Variants in PGM5 observed in about 807,000 individuals in gnomAD.
PGM5 encodes the protein phosphoglucomutase 5.
In PGM5, 23 loss-of-function variants were observed where a neutral mutation model predicts 59.2. That is an observed-to-expected ratio of 0.39 (90% CI 0.28 to 0.55). The LOEUF is 0.55. Among genes scored for constraint, PGM5 ranks in the 20% least tolerant of loss-of-function variants. The probability of loss-of-function intolerance (pLI) is 0.66; values close to 1 mark genes in which losing one functional copy is unlikely to be tolerated. For missense variants in PGM5, 574 were observed against 748.3 expected (o/e 0.77, Z 2.72); for synonymous variants, 214 against 286.0 (o/e 0.75, Z 2.54).
At chr9:68,372,540 G>A (rs1289258655) in intron 1 of PGM5, among the ~76,000 whole-genome samples, 1 of 152,100 alleles carries the variant, frequency 6.6e-6, no homozygotes, top group East Asian at 1.9e-4. Context: ...CTCTGCAGTG[G>A]CCATAGCCAG....
chr9:68,522,438 C>G (rs1288236449), intron 10 of PGM5, among the ~76,000 whole-genome samples: 3 of 152,142 alleles, frequency 2.0e-5, no homozygotes, highest in African/African-American at 4.8e-5. Context: ...CAAGTACTTC[C>G]AGCTGAGCAG....
chr9:68,473,398 G>A (rs563996020), intron 7 of PGM5, among the ~76,000 whole-genome samples: 10 of 152,304 alleles, frequency 6.6e-5, no homozygotes, highest in South Asian at 2.1e-4. Flanking sequence ...GAGGGCCACA[G>A]CATTGCTGGG....
intron 6 of PGM5, among the ~76,000 whole-genome samples, chr9:68,453,657 A>G (rs1823731074): frequency 1.3e-5 from 2 of 152,282 alleles, no homozygotes; most frequent in South Asian, 2.1e-4. Context: ...CAAACTTTCA[A>G]TCATCCCATG....
At chr9:68,388,563 C>G (rs1485433786) in intron 4 of PGM5, among the ~76,000 whole-genome samples, 2 of 152,014 alleles carry the variant, frequency 1.3e-5, no homozygotes, top group African/African-American at 4.8e-5. Context: ...TTTACTCGTA[C>G]ATTTTGGAGG....
At chr9:68,360,749 A>G (rs1362706613) in intron 1 of PGM5, among the ~76,000 whole-genome samples, 8 of 152,226 alleles carry the variant, frequency 5.3e-5, no homozygotes, top group African/African-American at 1.7e-4. Flanking sequence ...TGTGTTTGAA[A>G]GTATATTAAA....
rs1293147567 is a variant in PGM5 at position 68,529,552 on chromosome 9, C to T, written c.1615-15C>T. On this transcript the variant is annotated splice_polypyrimidine_tract_variant and intron_variant, in intron 10 of 10. Coordinates refer to ENST00000396396, the MANE Select transcript of PGM5 (RefSeq NM_021965.4). ...TGACTTGAGTTGTTCACAGACTTTC[C>T]TTTTCCTTTTGCAGGCAGTGCTGAG... 4 of 1,569,856 alleles carry T rather than the reference C, an allele frequency of 2.5e-6. No individual in the cohort carries two copies. The highest frequency in any genetic ancestry group is 3.5e-6 in the Non-Finnish European group (4 of 1,149,888).
intron 6 of PGM5, among the ~76,000 whole-genome samples, chr9:68,452,992 C>T (rs1162282059): frequency 1.3e-5 from 2 of 152,204 alleles, no homozygotes; most frequent in Non-Finnish European, 2.9e-5. Flanking sequence ...TTGGACCCCA[C>T]CACTATCATA....
chr9:68,471,852 G>C (rs1001785214), intron 7 of PGM5, among the ~76,000 whole-genome samples: 6 of 152,026 alleles, frequency 3.9e-5, no homozygotes, highest in Non-Finnish European at 7.4e-5. Flanking sequence ...CCAGGAGATG[G>C]AGGTTGTGAT....
At chr9:68,389,221 C>A (rs1381776222) in intron 4 of PGM5, among the ~76,000 whole-genome samples, 4 of 152,022 alleles carry the variant, frequency 2.6e-5, no homozygotes, top group Non-Finnish European at 5.9e-5. Context: ...TTCATGGATA[C>A]CATATCTTTT....
intron 6 of PGM5, among the ~76,000 whole-genome samples, chr9:68,464,086 A>C (rs1823896848): frequency 6.6e-6 from 1 of 152,236 alleles, no homozygotes; most frequent in Non-Finnish European, 1.5e-5. Context: ...ATGGTATTAC[A>C]TTGTATATCA....
intron 7 of PGM5, among the ~76,000 whole-genome samples, chr9:68,467,766 C>T (rs10868877): frequency 0.04 from 6,157 of 152,126 alleles, 523 homozygotes; most frequent in East Asian, 0.35. Flanking sequence ...GATTTTGATG[C>T]TGCTGTCCTA....
At chr9:68,370,575 T>C (rs1302074842) in intron 1 of PGM5, among the ~76,000 whole-genome samples, 1 of 152,166 alleles carries the variant, frequency 6.6e-6, no homozygotes, top group Non-Finnish European at 1.5e-5. Context: ...ATAAGATCAT[T>C]AAAAAACCAT....
intron 6 of PGM5, chr9:68,398,937 T>G (rs1424900112): frequency 6.6e-6 from 1 of 152,210 alleles, no homozygotes; most frequent in Non-Finnish European, 1.5e-5. Context: ...TTAAAAATGA[T>G]AATGCATTTC....
intron 10 of PGM5, among the ~76,000 whole-genome samples, chr9:68,524,222 T>C (rs1206613334): frequency 6.6e-6 from 1 of 152,160 alleles, no homozygotes; most frequent in Non-Finnish European, 1.5e-5. Context: ...ATAAATATCG[T>C]AGTGCAATTT....
intron 9 of PGM5, among the ~76,000 whole-genome samples, chr9:68,494,510 C>T (rs1227206217): frequency 1.3e-5 from 2 of 152,130 alleles, no homozygotes; most frequent in Non-Finnish European, 2.9e-5. Context: ...TTAGAATCAC[C>T]CAGAAAGCTT....
At chr9:68,424,794 G>A (rs1456727418) in intron 6 of PGM5, among the ~76,000 whole-genome samples, 1 of 152,162 alleles carries the variant, frequency 6.6e-6, no homozygotes, top group Non-Finnish European at 1.5e-5. Flanking sequence ...TACCATCCCA[G>A]GTGTACCTAT....
chr9:68,529,605 A>G lies in PGM5; in HGVS notation c.1653A>G (p.Ile551Met). ...CTCTCATAGCCATCGCACTGAAAAT[A>G]TCCCAGATTCATGAGAGAACTGGCC... The part of the protein sequence containing the change: ...LSPLIAIALK[I>M]SQIHERTGRR... The change falls in exon 11 of 11, where the codon ATA (isoleucine) becomes ATG (methionine). Residue 551 changes from isoleucine to methionine, a missense_variant. Around this residue, in one of 7 missense-constraint regions of PGM5, gnomAD observed 300 missense variants for 280.0 expected, o/e 1.07. Coordinates refer to ENST00000396396, the MANE Select transcript of PGM5 (RefSeq NM_021965.4). 1 of 1,601,004 alleles carries G rather than the reference A, an allele frequency of 6.2e-7. No homozygotes were observed. The highest frequency in any genetic ancestry group is 8.5e-7 in the Non-Finnish European group (1 of 1,171,576).
intron 6 of PGM5, among the ~76,000 whole-genome samples, chr9:68,416,805 CA>C (rs1823039879): frequency 6.6e-6 from 1 of 152,208 alleles, no homozygotes; most frequent in South Asian, 2.1e-4. Context: ...CAGGCAACCT[CA>C]AAGAGGTGAT....
At chr9:68,522,916 AT>A (rs1423057018) in intron 10 of PGM5, among the ~76,000 whole-genome samples, 1 of 151,936 alleles carries the variant, frequency 6.6e-6, no homozygotes, top group Non-Finnish European at 1.5e-5. Flanking sequence ...CTTTCTTATA[AT>A]TTTTTGTCAC....
Sources: allele counts gnomAD v4.1 joint callset (sites outside exome capture counted in the v4.1 genomes callset), GRCh38; gene constraint gnomAD v4.1.1; regional missense constraint gnomAD v4.1.1; transcripts MANE v1.5; gene names NCBI Gene and HGNC (gene_info 2026-07-23, HGNC 2026-07-21).